The following BPTF variants were observed in gnomAD, a reference collection of about 807,000 sequenced individuals.
The protein encoded by BPTF is nucleosome-remodeling factor subunit BPTF.
BPTF carries 18 observed loss-of-function variants against 292.5 expected under a neutral mutation model. The ratio of observed to expected loss-of-function variants is 0.06; its 90% CI spans 0.04 to 0.09. The LOEUF is 0.09. Among genes scored for constraint, BPTF ranks in the 10% least tolerant of loss-of-function variants. The pLI is 1.00. For missense variants in BPTF, 2,726 were observed against 3,498.7 expected (o/e 0.78, Z 5.57); for synonymous variants, 1,225 against 1,251.9 (o/e 0.98, Z 0.45).
intron 23 of BPTF, chr17:67,956,680 ACGGTC>A (rs2066975700): frequency 6.6e-6 from 1 of 150,916 alleles, no homozygotes; most frequent in Non-Finnish European, 1.5e-5. Context: ...AAAAAAAAAA[ACGGTC>A]AGGCACAGTG....
intron 3 of BPTF, among the ~76,000 whole-genome samples, 192 bp from the exon 4 acceptor site, chr17:67,874,625 A>G (rs1238944242): frequency 3.9e-5 from 6 of 152,172 alleles, no homozygotes; most frequent in Non-Finnish European, 5.9e-5. Flanking sequence ...GTGAAGGTAC[A>G]CCAAATTGAT....
Position 67,843,158 on chromosome 17 carries a change from C to A in BPTF, c.614-10782C>A, listed in dbSNP as rs192710807. Among the ~76,000 whole-genome samples the A allele has an allele frequency of 3.2e-3, 474 of 146,432 alleles. 4 individuals are homozygous for A. The highest frequency in any genetic ancestry group is 0.011 in the African/African-American group (446 of 40,464). On this transcript the variant is annotated intron_variant, in intron 1 of 27. Coordinates refer to ENST00000306378, the MANE Select transcript of BPTF (RefSeq NM_182641.4). ...TATCTACATACATATAAATATATAT[C>A]TACATATATAGATACATATAGATAT...
At chr17:67,895,116 C>T (rs1214382650) in intron 7 of BPTF, among the ~76,000 whole-genome samples, 2 of 151,936 alleles carry the variant, frequency 1.3e-5, no homozygotes, top group Non-Finnish European at 2.9e-5. Flanking sequence ...TAAATACAAG[C>T]CAGGCACATG....
At position 67,831,585 on chromosome 17, in the gene BPTF, C is replaced by G. The variant is rs1304717905; in HGVS notation, c.613+5248C>G. Among the ~76,000 whole-genome samples, 3 of 152,184 alleles carry G rather than the reference C, an allele frequency of 2.0e-5. 1 individual carries two copies. The highest frequency in any genetic ancestry group is 7.2e-5 in the African/African-American group (3 of 41,422). The stretch of plus-strand genomic sequence containing the variant: ...TTAAGACCAGGAACTCTGGTCTCTT[C>G]TGTTAGGTCCTCCTTTCCTCTTTCC... On this transcript the variant is annotated intron_variant, in intron 1 of 27. Transcript: ENST00000306378.
chr17:67,931,313 T>G (rs2064367853), intron 17 of BPTF, among the ~76,000 whole-genome samples: 1 of 149,996 alleles, frequency 6.7e-6, no homozygotes, highest in Admixed American at 6.7e-5. Flanking sequence ...AATGAATGAA[T>G]GAATGAATGA....
intron 2 of BPTF, among the ~76,000 whole-genome samples, chr17:67,862,805 A>T (rs1224268295): frequency 6.7e-6 from 1 of 150,196 alleles, no homozygotes; most frequent in African/African-American, 2.5e-5. Flanking sequence ...CTAGGAAAAA[A>T]ATCCTTGCTT....
intron 3 of BPTF, among the ~76,000 whole-genome samples, chr17:67,873,090 A>G (rs996134167): frequency 2.0e-5 from 3 of 152,164 alleles, no homozygotes; most frequent in Non-Finnish European, 4.4e-5. Context: ...CTAAAAAAGT[A>G]AAAAATAAAT....
intron 18 of BPTF, among the ~76,000 whole-genome samples, chr17:67,934,387 G>A (rs951452405): frequency 5.3e-5 from 8 of 151,888 alleles, no homozygotes; most frequent in Admixed American, 3.9e-4. Context: ...GTGTGATGGC[G>A]AGCACTTGTA....
chr17:67,944,144 C>T lies in BPTF; in HGVS notation c.6478-6C>T, dbSNP rs782411801. 3.7e-6 allele frequency: 6 copies of T among 1,612,036 alleles called. No homozygotes were observed. In the East Asian group the frequency reaches 6.7e-5, roughly 18 times the overall value. On this transcript the variant is annotated splice_region_variant and splice_polypyrimidine_tract_variant and intron_variant, in intron 19 of 27. Transcript: ENST00000306378. ...ACACTGTTTACATGTTGTGTTTTTT[C>T]CACAGGGTGGCAATCAAGGTTTGAC...
chr17:67,947,093 C>G (rs1555675880), intron 21 of BPTF, among the ~76,000 whole-genome samples: 1 of 152,200 alleles, frequency 6.6e-6, no homozygotes, highest in Non-Finnish European at 1.5e-5. Flanking sequence ...TCTTAAAACC[C>G]TTCTCTTTCC....
At chr17:67,861,745 A>G (rs1019719483) in intron 2 of BPTF, among the ~76,000 whole-genome samples, 4 of 152,194 alleles carry the variant, frequency 2.6e-5, no homozygotes, top group Non-Finnish European at 4.4e-5. Context: ...ACAGATCCCT[A>G]ACTTTGTACA....
intron 4 of BPTF, among the ~76,000 whole-genome samples, chr17:67,879,389 C>T (rs2060250257): frequency 6.6e-6 from 1 of 152,308 alleles, no homozygotes; most frequent in East Asian, 1.9e-4. Flanking sequence ...ATCCACCCGC[C>T]TCAGCCTCCC....
At chr17:67,931,700 G>T (rs1040145169) in intron 17 of BPTF, among the ~76,000 whole-genome samples, 2 of 152,120 alleles carry the variant, frequency 1.3e-5, no homozygotes, top group East Asian at 1.9e-4. Flanking sequence ...AGGGAATTTT[G>T]TATGATAGCA....
intron 25 of BPTF, chr17:67,965,987 G>C (rs546976880): frequency 2.4e-4 from 36 of 152,950 alleles, no homozygotes; most frequent in African/African-American, 8.4e-4. Context: ...CTTGAGCACA[G>C]GAGGTTACAG....
At chr17:67,899,539 T>TC (rs1162279032) in intron 7 of BPTF, among the ~76,000 whole-genome samples, 4 of 151,570 alleles carry the variant, frequency 2.6e-5, no homozygotes, top group African/African-American at 9.7e-5. Context: ...TTTTCTTTTT[T>TC]TTTTTTTTTT....
chr17:67,941,496 A>G (rs1460212215), intron 19 of BPTF, among the ~76,000 whole-genome samples: 2 of 152,224 alleles, frequency 1.3e-5, no homozygotes, highest in African/African-American at 4.8e-5. Context: ...ACTAATTAAT[A>G]TAGTGAGGTA....
chr17:67,903,895 T>A lies in BPTF; in HGVS notation c.2650T>A (p.Tyr884Asn), dbSNP rs2062011155. 6.3e-7 allele frequency: 1 copy of A among 1,587,288 alleles called. No homozygotes were observed. The highest frequency in any genetic ancestry group is 1.2e-5 in the South Asian group (1 of 84,404). Reference sequence around the variant, plus strand: ...GATGCAGCAAGCGACATGGGTAAAATACACATTTCCAGTTAAGCATCAGGT... The same window carrying A: ...GATGCAGCAAGCGACATGGGTAAAAAACACATTTCCAGTTAAGCATCAGGT... ...ETMQQATWVKYTFPVKHQVWK... is the reference protein window; with the variant it reads ...ETMQQATWVKNTFPVKHQVWK... Residue 884 changes from tyrosine (Y) to asparagine (N), a missense_variant, in exon 8 of 28, where the codon TAC (tyrosine) becomes AAC (asparagine). Around this residue, in one of 22 missense-constraint regions of BPTF, gnomAD observed 99 missense variants for 227.1 expected, o/e 0.44. Coordinates refer to ENST00000306378, the MANE Select transcript of BPTF (RefSeq NM_182641.4).
At chr17:67,961,689 A>G (rs78856267) in intron 24 of BPTF, among the ~76,000 whole-genome samples, 1 of 152,056 alleles carries the variant, frequency 6.6e-6, no homozygotes, top group Non-Finnish European at 1.5e-5. Context: ...TGTACAAAAA[A>G]TTGGCCAGGC....
chr17:67,956,187 C>T (rs1207036731), intron 23 of BPTF: 28 of 151,568 alleles, frequency 1.8e-4, no homozygotes, highest in Admixed American at 5.3e-4. Flanking sequence ...GGCGTGATGG[C>T]GGGCGCCTGT....
Sources: gnomAD v4.1 joint callset for allele counts (sites outside exome capture counted in the v4.1 genomes callset) on GRCh38, gnomAD v4.1.1 for gene constraint, gnomAD v4.1.1 regional missense constraint, MANE v1.5 for transcripts, NCBI Gene and HGNC (gene_info 2026-07-23, HGNC 2026-07-21) for gene names.